The following ARK2N variants were observed in gnomAD, a reference collection of about 807,000 sequenced individuals.
ARK2N encodes the protein protein ARK2N.
the ARK2N span, chr18:46,253,822 A>G: frequency 6.2e-7 from 1 of 1,607,560 alleles, no homozygotes; most frequent in Non-Finnish European, 8.5e-7. Context: ...GGAACATGCA[A>G]GGTAGGATAC....
At chr18:46,177,583 C>A in the ARK2N span, among the ~76,000 whole-genome samples, 1 of 151,908 alleles carries the variant, frequency 6.6e-6, no homozygotes, top group South Asian at 2.1e-4. Context: ...CGCCTGCCAC[C>A]ACGCCTGACT....
chr18:46,258,196 G>T, the ARK2N span, among the ~76,000 whole-genome samples: 1 of 152,282 alleles, frequency 6.6e-6, no homozygotes, highest in South Asian at 2.1e-4. Context: ...AAAGTGCTGG[G>T]ATTACAGGCG....
chr18:46,196,560 C>T, the ARK2N span, among the ~76,000 whole-genome samples: 101 of 152,306 alleles, frequency 6.6e-4, no homozygotes, highest in African/African-American at 2.4e-3. Context: ...CTTGCCTGGC[C>T]GAGTTGTAAA....
the ARK2N span, chr18:46,253,873 T>C: frequency 2.6e-6 from 4 of 1,533,482 alleles, no homozygotes; most frequent in Non-Finnish European, 2.6e-6. Context: ...AAATTCTATT[T>C]TAACCAGAAA....
chr18:46,263,034 G>A, the ARK2N span: 1 of 1,614,038 alleles, frequency 6.2e-7, no homozygotes, highest in African/African-American at 1.3e-5. Flanking sequence ...GGACTGCTGT[G>A]ACTCCCCAGC....
chr18:46,195,689 C>T, the ARK2N span, among the ~76,000 whole-genome samples: 1 of 146,470 alleles, frequency 6.8e-6, no homozygotes, highest in Admixed American at 7.1e-5. Flanking sequence ...CAGTCCTCCT[C>T]CTTAGCCTCC....
chr18:46,201,481 A>G, the ARK2N span, among the ~76,000 whole-genome samples: 11 of 151,770 alleles, frequency 7.2e-5, no homozygotes, highest in African/African-American at 2.7e-4. Flanking sequence ...TGTGGTGGAG[A>G]TTCTGAGATC....
At chr18:46,176,276 ATTC>A in the ARK2N span, among the ~76,000 whole-genome samples, 1,518 of 152,296 alleles carry the variant, frequency 1.0e-2, 33 homozygotes, top group African/African-American at 0.035. Flanking sequence ...CAATTTCAGT[ATTC>A]TTCTTTCTAA....
At chr18:46,194,783 TA>T in the ARK2N span, among the ~76,000 whole-genome samples, 1 of 143,722 alleles carries the variant, frequency 7.0e-6, no homozygotes, top group Non-Finnish European at 1.5e-5. Flanking sequence ...TTCTTGTTTT[TA>T]TTTAAATTTA....
At chr18:46,240,069 T>C in the ARK2N span, 8 of 1,614,172 alleles carry the variant, frequency 5.0e-6, no homozygotes, top group Admixed American at 3.3e-5. Flanking sequence ...AAGTGGTAAA[T>C]GTGGACAATT....
the ARK2N span, among the ~76,000 whole-genome samples, chr18:46,225,784 TAGTAAAC>T: frequency 6.6e-6 from 1 of 151,974 alleles, no homozygotes; most frequent in Non-Finnish European, 1.5e-5. Flanking sequence ...AAAGCTGCAG[TAGTAAAC>T]AGTTTCTTTT....
the ARK2N span, among the ~76,000 whole-genome samples, chr18:46,196,698 G>C: frequency 6.6e-6 from 1 of 152,216 alleles, no homozygotes; most frequent in Non-Finnish European, 1.5e-5. Flanking sequence ...GCATCTGAGA[G>C]TCAGATATTT....
chr18:46,247,855 A>G, the ARK2N span, among the ~76,000 whole-genome samples: 1 of 152,222 alleles, frequency 6.6e-6, no homozygotes, highest in East Asian at 1.9e-4. Context: ...TATTTTTAGT[A>G]GAGACCGGGT....
At chr18:46,191,382 C>G in the ARK2N span, among the ~76,000 whole-genome samples, 1 of 150,790 alleles carries the variant, frequency 6.6e-6, no homozygotes, top group African/African-American at 2.4e-5. Flanking sequence ...GGGGTCTCTA[C>G]AAAACTTCAT....
the ARK2N span, among the ~76,000 whole-genome samples, chr18:46,241,460 G>A: frequency 2.0e-5 from 3 of 152,094 alleles, no homozygotes; most frequent in East Asian, 1.9e-4. Flanking sequence ...AGTGGCTCAC[G>A]TCTGTAAGCC....
At chr18:46,226,112 A>G in the ARK2N span, among the ~76,000 whole-genome samples, 21 of 152,182 alleles carry the variant, frequency 1.4e-4, no homozygotes, top group Non-Finnish European at 2.8e-4. Flanking sequence ...TTTTTGTGTC[A>G]TTATTCCACA....
the ARK2N span, among the ~76,000 whole-genome samples, chr18:46,178,999 G>A: frequency 6.6e-6 from 1 of 151,888 alleles, no homozygotes; most frequent in Admixed American, 6.6e-5. Context: ...CTGAACTGCA[G>A]TGTCAGGATA....
the ARK2N span, among the ~76,000 whole-genome samples, chr18:46,175,514 A>G: frequency 8.5e-5 from 13 of 152,052 alleles, no homozygotes; most frequent in African/African-American, 1.2e-4. Flanking sequence ...CTTTTGGTTT[A>G]ACAAGCATTT....
At chr18:46,239,469 C>T in the ARK2N span, among the ~76,000 whole-genome samples, 5 of 152,280 alleles carry the variant, frequency 3.3e-5, no homozygotes, top group Middle Eastern at 3.4e-3. Flanking sequence ...AAGGACTTTA[C>T]TGGAAATAGA....
Sources: gnomAD v4.1 joint callset for allele counts (sites outside exome capture counted in the v4.1 genomes callset) on GRCh38, gnomAD v4.1.1 for gene constraint, MANE v1.5 for transcripts, NCBI Gene and HGNC (gene_info 2026-07-23, HGNC 2026-07-21) for gene names.